Variants in RYR2 observed in about 807,000 individuals in gnomAD.
RYR2 encodes cardiac muscle ryanodine receptor-calcium release channel.
Under a neutral mutation model 601.1 loss-of-function variants are expected in RYR2, and 227 were observed. That is an observed-to-expected ratio of 0.38 (90% CI 0.34 to 0.42). The LOEUF (loss-of-function observed/expected upper bound fraction) is 0.42, where lower values mean the gene tolerates loss of function less well. Ranked by LOEUF, RYR2 falls within the 10% of genes least tolerant of loss-of-function variation. RYR2 has a pLI of 1.00. For missense variants in RYR2, 4,646 were observed against 6,156.5 expected (o/e 0.75, Z 8.21); for synonymous variants, 2,223 against 2,175.1 (o/e 1.02, Z -0.61).
At chr1:237,562,528 C>T (rs187777126) in intron 27 of RYR2, among the ~76,000 whole-genome samples, 33 of 152,136 alleles carry the variant, frequency 2.2e-4, no homozygotes, top group Middle Eastern at 3.4e-3. Flanking sequence ...CTGGGAGGTA[C>T]GGGGAGCACA....
intron 10 of RYR2, 70 bp from the exon 11 acceptor site, chr1:237,416,979 A>C: frequency 7.1e-7 from 1 of 1,417,786 alleles, no homozygotes; most frequent in Middle Eastern, 1.7e-4. Context: ...AATTAGCTTC[A>C]AAAAATTAGA....
At chr1:237,813,957 C>G (rs1177267786) in intron 100 of RYR2, among the ~76,000 whole-genome samples, 1 of 152,204 alleles carries the variant, frequency 6.6e-6, no homozygotes, top group Non-Finnish European at 1.5e-5. Flanking sequence ...AGCTCATTCA[C>G]AGTGACGGGC....
chr1:237,798,267 G>A, intron 97 of RYR2, 97 bp downstream of exon 97: 1 of 1,152,832 alleles, frequency 8.7e-7, no homozygotes, highest in Non-Finnish European at 1.2e-6. Flanking sequence ...TTCCTTCAAT[G>A]TCAGAAGAAT....
chr1:237,080,500 A>G (rs1387057006), intron 1 of RYR2, among the ~76,000 whole-genome samples: 1 of 73,178 alleles, frequency 1.4e-5, no homozygotes, highest in African/African-American at 4.6e-5. Context: ...AAAAGAAGAC[A>G]TTTATGCAGC....
At chr1:237,704,950 A>G (rs1156960098) in intron 66 of RYR2, among the ~76,000 whole-genome samples, 1 of 152,186 alleles carries the variant, frequency 6.6e-6, no homozygotes, top group Non-Finnish European at 1.5e-5. Flanking sequence ...GAATTAATGA[A>G]ATAAAAGGAC....
intron 63 of RYR2, among the ~76,000 whole-genome samples, chr1:237,696,990 A>G (rs766679588): frequency 1.3e-5 from 2 of 151,972 alleles, no homozygotes; most frequent in African/African-American, 2.4e-5. Flanking sequence ...ATCCTGCTCA[A>G]AACCTAAGAA....
intron 92 of RYR2, among the ~76,000 whole-genome samples, chr1:237,788,457 C>T (rs1195113310): frequency 6.6e-6 from 1 of 152,166 alleles, no homozygotes; most frequent in Non-Finnish European, 1.5e-5. Context: ...TAAGGACCTG[C>T]AACAGATTTT....
At chr1:237,696,002 T>C (rs1032478256) in intron 63 of RYR2, among the ~76,000 whole-genome samples, 2 of 152,226 alleles carry the variant, frequency 1.3e-5, no homozygotes, top group Non-Finnish European at 2.9e-5. Context: ...TGTTTCCTAC[T>C]CTTCTTACAT....
chr1:237,631,881 GCC>G lies in RYR2; in HGVS notation c.6555+341_6555+342del, dbSNP rs1558099215. Reference sequence around the variant, plus strand: ...CTGACCTCGTGATCCGCCCGCCTTGGCCTCCCCTCCCGAAGTGCTGGGATTAC... The same window carrying G: ...CTGACCTCGTGATCCGCCCGCCTTGGTCCCCTCCCGAAGTGCTGGGATTAC... On this transcript the variant is annotated intron_variant, in intron 42 of 104. Coordinates refer to ENST00000366574, the MANE Select transcript of RYR2 (RefSeq NM_001035.3). Among the ~76,000 whole-genome samples, 1,365 of 151,254 alleles carry G rather than the reference GCC, an allele frequency of 9.0e-3. 23 individuals are homozygous for G. The highest frequency in any genetic ancestry group is 0.031 in the African/African-American group (1,297 of 41,192).
At chr1:237,434,525 T>G (rs1394768625) in intron 12 of RYR2, among the ~76,000 whole-genome samples, 2 of 152,230 alleles carry the variant, frequency 1.3e-5, no homozygotes, top group East Asian at 3.9e-4. Flanking sequence ...ACCATTGTTT[T>G]CAAGTGTGTT....
intron 1 of RYR2, among the ~76,000 whole-genome samples, chr1:237,230,576 G>A (rs915925335): frequency 2.6e-5 from 4 of 152,106 alleles, no homozygotes; most frequent in Non-Finnish European, 5.9e-5. Flanking sequence ...TCCCCTGATA[G>A]TTGTCTTAAT....
At chr1:237,056,678 G>A (rs1662157640) in intron 1 of RYR2, among the ~76,000 whole-genome samples, 1 of 145,688 alleles carries the variant, frequency 6.9e-6, no homozygotes, top group Admixed American at 6.9e-5. Context: ...TGCATTGTGA[G>A]GACTGGAGCA....
chr1:237,104,537 A>G (rs1013246523), intron 1 of RYR2, among the ~76,000 whole-genome samples: 3 of 152,050 alleles, frequency 2.0e-5, no homozygotes, highest in Non-Finnish European at 4.4e-5. Flanking sequence ...TGTGCCTTTT[A>G]CAATTATGTG....
At chr1:237,081,186 C>G (rs1185908685) in intron 1 of RYR2, among the ~76,000 whole-genome samples, 2 of 125,446 alleles carry the variant, frequency 1.6e-5, no homozygotes, top group Admixed American at 1.7e-4. Flanking sequence ...TGCTAGATGA[C>G]ACATTAGTGG....
chr1:237,359,587 T>G (rs928190747), intron 4 of RYR2, among the ~76,000 whole-genome samples: 5 of 152,170 alleles, frequency 3.3e-5, no homozygotes, highest in African/African-American at 1.2e-4. Context: ...ATAACATTAT[T>G]CTGGATAGTT....
rs80072844 is a variant in RYR2 at position 237,330,677 on chromosome 1, C to A, written c.169-201C>A. Among the ~76,000 whole-genome samples the A allele has an allele frequency of 1.4e-3, 214 of 152,280 alleles. 3 individuals carry two copies. The East Asian group carries it at 0.038, about 27-fold the overall frequency. ...TGCTGGGATTACAGGCGTGAGCCAC[C>A]GCACCCGGCCACTATCTCTGGTTTT... On this transcript the variant is annotated intron_variant, in intron 2 of 104. Coordinates refer to ENST00000366574, the MANE Select transcript of RYR2 (RefSeq NM_001035.3).
At chr1:237,051,711 C>G (rs370227693) in intron 1 of RYR2, among the ~76,000 whole-genome samples, 1 of 152,104 alleles carries the variant, frequency 6.6e-6, no homozygotes, top group Non-Finnish European at 1.5e-5. Context: ...TGTATTTTCT[C>G]ATGAAATCCC....
intron 1 of RYR2, among the ~76,000 whole-genome samples, chr1:237,093,487 G>A (rs1004940499): frequency 1.3e-5 from 2 of 152,156 alleles, no homozygotes; most frequent in Admixed American, 6.5e-5. Flanking sequence ...ACAGGAGCAG[G>A]AGCCCCAGGG....
At chr1:237,512,435 C>T (rs1357520382) in intron 24 of RYR2, among the ~76,000 whole-genome samples, 1 of 152,144 alleles carries the variant, frequency 6.6e-6, no homozygotes, top group African/African-American at 2.4e-5. Context: ...AAATTTTTTG[C>T]TGATGGACTT....
Sources: allele counts gnomAD v4.1 joint callset (sites outside exome capture counted in the v4.1 genomes callset), GRCh38; gene constraint gnomAD v4.1.1; transcripts MANE v1.5; gene names NCBI Gene and HGNC (gene_info 2026-07-23, HGNC 2026-07-21).